PRKG1: variants seen among roughly 807,000 people sequenced by gnomAD.
The protein encoded by PRKG1 is cGMP-dependent protein kinase 1.
In PRKG1, 35 loss-of-function variants were observed where a neutral mutation model predicts 88.1. The observed-to-expected ratio is 0.40, with a 90% CI of 0.30 to 0.53. The LOEUF (loss-of-function observed/expected upper bound fraction) is 0.53, where lower values mean the gene tolerates loss of function less well. Ranked by LOEUF, PRKG1 falls within the 20% of genes least tolerant of loss-of-function variation. The pLI, the probability that PRKG1 is intolerant of heterozygous loss-of-function variation, is 0.59. For missense variants in PRKG1, 540 were observed against 839.8 expected (o/e 0.64, Z 4.41); for synonymous variants, 303 against 292.5 (o/e 1.04, Z -0.37).
chr10:51,248,088 T>C (rs919142870), intron 2 of PRKG1, among the ~76,000 whole-genome samples: 9 of 151,904 alleles, frequency 5.9e-5, no homozygotes, highest in African/African-American at 2.2e-4. Context: ...AGGTAGAAAG[T>C]TAGAAGGACT....
At chr10:52,025,103 T>C (rs1409406320) in intron 5 of PRKG1, among the ~76,000 whole-genome samples, 1 of 152,238 alleles carries the variant, frequency 6.6e-6, no homozygotes. Flanking sequence ...TTTTTTCATG[T>C]GTCTGTTGGC....
rs1255205476 is a variant in PRKG1 at position 51,670,399 on chromosome 10, TA to T, written c.593-134185del. Among the ~76,000 whole-genome samples, 5 of 151,818 alleles carry T rather than the reference TA, an allele frequency of 3.3e-5. No homozygotes were observed. The East Asian group carries it at 9.6e-4, about 29-fold the overall frequency. The stretch of plus-strand genomic sequence containing the variant: ...TTATTTATATTTCATTATTTTTCTT[TA>T]TTTTTTTTTCCTTCTGTTTCTTCTC... On this transcript the variant is annotated intron_variant, in intron 3 of 17. Coordinates refer to ENST00000373980, the MANE Select transcript of PRKG1 (RefSeq NM_006258.4).
chr10:51,852,565 G>A (rs1840586949), intron 4 of PRKG1, among the ~76,000 whole-genome samples: 1 of 152,070 alleles, frequency 6.6e-6, no homozygotes, highest in Admixed American at 6.6e-5. Flanking sequence ...GTGAGTACCT[G>A]AGCCAAAAGT....
At chr10:52,027,895 T>G (rs1845382559) in intron 5 of PRKG1, among the ~76,000 whole-genome samples, 1 of 152,118 alleles carries the variant, frequency 6.6e-6, no homozygotes, top group Non-Finnish European at 1.5e-5. Flanking sequence ...TTCAAGTGAT[T>G]CTCCTGCCTC....
At chr10:51,962,131 G>T (rs528554981) in intron 5 of PRKG1, among the ~76,000 whole-genome samples, 5 of 152,238 alleles carry the variant, frequency 3.3e-5, no homozygotes, top group African/African-American at 1.2e-4. Context: ...GAAGACTCTT[G>T]GTTGGGAGAG....
At chr10:51,003,105 G>T (rs1842905622) in intron 1 of PRKG1, among the ~76,000 whole-genome samples, 1 of 152,090 alleles carries the variant, frequency 6.6e-6, no homozygotes, top group African/African-American at 2.4e-5. Context: ...GTCTATGACT[G>T]CCAGAGAGAA....
intron 9 of PRKG1, among the ~76,000 whole-genome samples, chr10:52,167,010 T>C (rs1838495828): frequency 6.6e-6 from 1 of 151,728 alleles, no homozygotes; most frequent in South Asian, 2.1e-4. Context: ...GTTGTACTTA[T>C]AGTGCATTTT....
intron 4 of PRKG1, among the ~76,000 whole-genome samples, chr10:51,875,837 G>A (rs1038002084): frequency 3.3e-5 from 5 of 152,056 alleles, no homozygotes; most frequent in Admixed American, 6.6e-5. Context: ...TCTTCAAGTC[G>A]TTGTGGCCAA....
rs552453785 is a variant in PRKG1 at position 51,209,659 on chromosome 10, A to G, written c.478+56329A>G. Among the ~76,000 whole-genome samples, 19 of 152,220 alleles carry G rather than the reference A, an allele frequency of 1.2e-4. No individual in the cohort carries two copies. The East Asian group carries it at 2.3e-3, about 19-fold the overall frequency. ...AATATTATTCTTGCTGCATTTTGCC[A>G]TTTTACTAGGAAGAGATAATTATCA... On this transcript the variant is annotated intron_variant, in intron 2 of 17. Coordinates refer to ENST00000373980, the MANE Select transcript of PRKG1 (RefSeq NM_006258.4).
At chr10:52,043,100 A>C (rs988216596) in intron 5 of PRKG1, among the ~76,000 whole-genome samples, 2 of 152,136 alleles carry the variant, frequency 1.3e-5, no homozygotes, top group African/African-American at 4.8e-5. Flanking sequence ...ATGTGGATAA[A>C]AAGGAATCTT....
intron 9 of PRKG1, among the ~76,000 whole-genome samples, chr10:52,189,484 C>T (rs139638292): frequency 6.6e-6 from 1 of 152,168 alleles, no homozygotes; most frequent in African/African-American, 2.4e-5. Context: ...AGCTCTGCCC[C>T]CTGTCAGATC....
intron 2 of PRKG1, among the ~76,000 whole-genome samples, chr10:51,251,399 C>G (rs1839423986): frequency 6.6e-6 from 1 of 151,678 alleles, no homozygotes. Context: ...GAGGAAATAC[C>G]ACTTGGAAGG....
At chr10:52,143,875 C>T (rs554754824) in intron 8 of PRKG1, among the ~76,000 whole-genome samples, 3 of 152,172 alleles carry the variant, frequency 2.0e-5, no homozygotes, top group Non-Finnish European at 2.9e-5. Flanking sequence ...CAAACCAAAT[C>T]CTATTCTGGG....
At chr10:51,129,515 C>A (rs1178388651) in intron 1 of PRKG1, among the ~76,000 whole-genome samples, 1 of 151,890 alleles carries the variant, frequency 6.6e-6, no homozygotes, top group African/African-American at 2.4e-5. Context: ...CAACTATCTG[C>A]CTGCAAAAGC....
intron 3 of PRKG1, among the ~76,000 whole-genome samples, chr10:51,749,202 A>C (rs557824241): frequency 6.6e-6 from 1 of 152,206 alleles, no homozygotes. Flanking sequence ...TATGCCATCT[A>C]TGAGAAAATG....
chr10:51,049,669 A>G (rs1843536676), intron 1 of PRKG1, among the ~76,000 whole-genome samples: 1 of 152,164 alleles, frequency 6.6e-6, no homozygotes, highest in South Asian at 2.1e-4. Flanking sequence ...AACTACTACT[A>G]CTGCTACTAC....
chr10:51,489,022 A>C lies in PRKG1; in HGVS notation c.592+21186A>C, dbSNP rs184157807. ...AAACAAAAAAACTGCCGTTGGCAGGATGTCAAGGTATTAGAGTCATTCTGC... is the reference window on the plus strand; with the variant it reads ...AAACAAAAAAACTGCCGTTGGCAGGCTGTCAAGGTATTAGAGTCATTCTGC... On this transcript the variant is annotated intron_variant, in intron 3 of 17. Transcript: ENST00000373980. Among the ~76,000 whole-genome samples the C allele has an allele frequency of 2.3e-4, 35 of 152,308 alleles. No homozygotes were observed. The East Asian group carries it at 6.8e-3, about 29-fold the overall frequency.
intron 3 of PRKG1, among the ~76,000 whole-genome samples, chr10:51,533,099 A>G (rs1842057096): frequency 6.6e-6 from 1 of 152,122 alleles, no homozygotes; most frequent in African/African-American, 2.4e-5. Context: ...AGAAATGACT[A>G]ATTTTCTTCT....
intron 3 of PRKG1, among the ~76,000 whole-genome samples, chr10:51,468,573 G>C (rs558132142): frequency 1.4e-3 from 209 of 151,842 alleles, no homozygotes; most frequent in African/African-American, 4.8e-3. Context: ...ATAACAAACA[G>C]AGCTGAATTC....
Sources: allele counts gnomAD v4.1 joint callset (sites outside exome capture counted in the v4.1 genomes callset), GRCh38; gene constraint gnomAD v4.1.1; transcripts MANE v1.5; gene names NCBI Gene and HGNC (gene_info 2026-07-23, HGNC 2026-07-21).